HMCN1: variants seen among roughly 807,000 people sequenced by gnomAD.
HMCN1 encodes hemicentin 1.
In HMCN1, 321 loss-of-function variants were observed where a neutral mutation model predicts 625.9. That is an observed-to-expected ratio of 0.51 (90% CI 0.47 to 0.56). HMCN1 has a LOEUF of 0.56. HMCN1 is among the 20% of genes least tolerant of loss of function. The pLI is 0.00. For synonymous variants in HMCN1, 2,425 were observed against 2,417.6 expected, an observed-to-expected ratio of 1.00 and a Z score of -0.09; for missense variants, 6,588 against 6,887.3, an observed-to-expected ratio of 0.96 and a Z score of 1.54.
intron 83 of HMCN1, among the ~76,000 whole-genome samples, chr1:186,129,040 T>A (rs1661789826): frequency 6.6e-6 from 1 of 152,054 alleles, no homozygotes; most frequent in Non-Finnish European, 1.5e-5. Flanking sequence ...ATCAACTGCA[T>A]TACCTTAATA....
At chr1:186,086,494 C>T (rs1659480605) in intron 58 of HMCN1, 87 bp downstream of exon 58, 2 of 1,344,538 alleles carry the variant, frequency 1.5e-6, no homozygotes, top group Non-Finnish European at 2.1e-6. Context: ...TATTTCCAAA[C>T]TTTTGTCGTG....
intron 1 of HMCN1, among the ~76,000 whole-genome samples, chr1:185,805,947 G>T (rs146108690): frequency 6.6e-6 from 1 of 151,976 alleles, no homozygotes; most frequent in East Asian, 1.9e-4. Context: ...TTTACATAGA[G>T]CTAAAAAAGA....
In HMCN1 at chr1:185,942,532, T is replaced by G. The variant is rs541786627; in HGVS notation, c.1828+8708T>G. On this transcript the variant is annotated intron_variant, in intron 11 of 106. Transcript: ENST00000271588. Reference sequence around the variant, plus strand: ...TATTTAAAGAAAGCTACCAACTAACTTTTTTAAAATTTTGGGAGTTCATAT... The same window carrying G: ...TATTTAAAGAAAGCTACCAACTAACGTTTTTAAAATTTTGGGAGTTCATAT... Among the ~76,000 whole-genome samples, 369 of 151,040 alleles carry G rather than the reference T, an allele frequency of 2.4e-3. 1 individual carries two copies. Among genetic ancestry groups the G allele is most frequent in the Admixed American group, 4.1e-3 (62 of 15,270 alleles).
intron 2 of HMCN1, among the ~76,000 whole-genome samples, chr1:185,854,072 A>G (rs1401980892): frequency 6.6e-6 from 1 of 152,204 alleles, no homozygotes; most frequent in Non-Finnish European, 1.5e-5. Context: ...GATGGTAAGG[A>G]TGGAGATCAA....
intron 4 of HMCN1, among the ~76,000 whole-genome samples, chr1:185,877,989 ATTTG>A (rs1374796438): frequency 1.3e-5 from 2 of 151,852 alleles, no homozygotes; most frequent in African/African-American, 4.8e-5. Flanking sequence ...AACATTCAGT[ATTTG>A]TTTTTCTGTT....
chr1:186,051,950 C>T (rs1008947192), intron 42 of HMCN1, among the ~76,000 whole-genome samples: 10 of 151,756 alleles, frequency 6.6e-5, no homozygotes, highest in Admixed American at 2.6e-4. Flanking sequence ...GATGGGAAGG[C>T]CTATGGTATG....
chr1:186,131,790 A>G (rs187176234), intron 85 of HMCN1, among the ~76,000 whole-genome samples: 1 of 152,240 alleles, frequency 6.6e-6, no homozygotes, highest in African/African-American at 2.4e-5. Flanking sequence ...ACATACATAT[A>G]TGTATATAAT....
rs1249161509 is a variant in HMCN1, at chr1:186,094,239, G to A, written c.10197-37G>A. 5 of 1,422,268 alleles carry A rather than the reference G, an allele frequency of 3.5e-6. No homozygotes were observed. The African/African-American group carries it at 5.6e-5, about 16-fold the overall frequency. The allele number at this position is 1,422,268 out of a possible 1,614,324, so 88.1% of individuals were successfully genotyped here. On this transcript the variant is annotated intron_variant, in intron 66 of 106. Transcript: ENST00000271588. ...TATTTTATGTGTACTTGTTGTATGG[G>A]AGCAAGTGATGAAATGTGGATCAAA...
At chr1:185,966,837 T>A (rs1035581165) in intron 14 of HMCN1, among the ~76,000 whole-genome samples, 4 of 152,026 alleles carry the variant, frequency 2.6e-5, no homozygotes, top group African/African-American at 9.7e-5. Context: ...GAACATGAGG[T>A]GAAAAAGAAA....
Position 185,970,487 on chromosome 1 carries a change from G to A in HMCN1, c.2365G>A (p.Val789Ile). ...GRATGKITLD[V>I]GSPPVFIQEP... is the part of the protein sequence containing the mutation. ...AGCAACTGGCAAGATAACTCTGGAT[G>A]TTGGCTGTAAGCCTCCAGATCTTAT... Residue 789 changes from valine to isoleucine, a missense_variant, in exon 15 of 107, where the codon GTT becomes ATT. By Grantham distance (29) the Val-to-Ile change is conservative. This residue lies in a region of HMCN1 where 4,628 missense variants were observed against 4,853.1 expected (regional missense o/e 0.95). Transcript: ENST00000271588. 1 of 1,613,534 alleles carries A rather than the reference G, an allele frequency of 6.2e-7. No individual in the cohort carries two copies. The highest frequency in any genetic ancestry group is 1.1e-5 in the South Asian group (1 of 91,074).
intron 44 of HMCN1, among the ~76,000 whole-genome samples, chr1:186,054,517 T>C (rs1454991605): frequency 1.3e-5 from 2 of 151,956 alleles, no homozygotes; most frequent in South Asian, 2.1e-4. Flanking sequence ...CACTAGGACA[T>C]TGGATTACTG....
chr1:185,916,917 G>A (rs1023855060), intron 6 of HMCN1, among the ~76,000 whole-genome samples: 1 of 152,104 alleles, frequency 6.6e-6, no homozygotes, highest in Admixed American at 6.6e-5. Flanking sequence ...AAAACCTGGA[G>A]GATGTGGCAT....
At chr1:186,046,477 A>C (rs1229841981) in intron 41 of HMCN1, among the ~76,000 whole-genome samples, 1 of 152,126 alleles carries the variant, frequency 6.6e-6, no homozygotes, top group Non-Finnish European at 1.5e-5. Flanking sequence ...AAACAACAAA[A>C]AAAAAAATGC....
chr1:185,970,933 T>A (rs1650776002), intron 15 of HMCN1, among the ~76,000 whole-genome samples: 1 of 152,154 alleles, frequency 6.6e-6, no homozygotes, highest in African/African-American at 2.4e-5. Context: ...GTGCTGGGAT[T>A]ACAGCCATGA....
chr1:185,898,808 A>G (rs140158508), intron 4 of HMCN1, among the ~76,000 whole-genome samples: 1 of 152,250 alleles, frequency 6.6e-6, no homozygotes, highest in East Asian at 1.9e-4. Context: ...AGTTAAGTCT[A>G]AAAATGTGAT....
At chr1:185,738,986 A>T (rs906124985) in intron 1 of HMCN1, among the ~76,000 whole-genome samples, 1 of 152,034 alleles carries the variant, frequency 6.6e-6, no homozygotes, top group Non-Finnish European at 1.5e-5. Flanking sequence ...TAGTGAGCAT[A>T]GTACCTGATA....
At position 186,145,525 on chromosome 1, in the gene HMCN1, G is replaced by T. The variant is rs543497214; in HGVS notation, c.14389G>T (p.Gly4797Trp). The T allele has an allele frequency of 1.4e-5, 22 of 1,614,070 alleles. No homozygotes were observed. Among genetic ancestry groups the T allele is most frequent in the Non-Finnish European group, 1.8e-5 (21 of 1,179,986 alleles). ...TCCCTCCAATGGGGGAAGAGCTTGTGGGGGACCAGACTCCCAGATCCAGAG... is the reference window on the plus strand; with the variant it reads ...TCCCTCCAATGGGGGAAGAGCTTGTTGGGGACCAGACTCCCAGATCCAGAG... ...PPPSNGGRAC[G>W]GPDSQIQRCN... Residue 4797 changes from glycine (G) to tryptophan (W), a missense_variant, in exon 92 of 107, where the codon GGG becomes TGG. Coordinates refer to ENST00000271588, the MANE Select transcript of HMCN1 (RefSeq NM_031935.3).
intron 18 of HMCN1, 72 bp downstream of exon 18, chr1:185,982,461 GAGACA>G: frequency 7.7e-7 from 1 of 1,303,970 alleles, no homozygotes; most frequent in Admixed American, 2.1e-5. Flanking sequence ...TTTTTTCTTT[GAGACA>G]GTTTCATTCT....
In HMCN1 at chr1:186,019,648, T is replaced by C. The variant is rs776064192; in HGVS notation, c.5578T>C (p.Trp1860Arg). The C allele has an allele frequency of 1.2e-6, 2 of 1,612,396 alleles. No individual in the cohort carries two copies. Among genetic ancestry groups the C allele is most frequent in the Non-Finnish European group, 1.7e-6 (2 of 1,178,740 alleles). Residue 1860 changes from tryptophan to arginine, a missense_variant, in exon 35 of 107, where the codon TGG becomes CGG. Around this residue, in one of 3 missense-constraint regions of HMCN1, gnomAD observed 4,628 missense variants for 4,853.1 expected, o/e 0.95. Transcript: ENST00000271588. ...TGGGATTCCAAATCCTTCCATTACA[T>C]GGTTAAAAGATGACCAGCCTGTGAA... is the stretch of plus-strand genomic sequence containing the variant. The part of the protein sequence containing the change: ...ANGIPNPSIT[W>R]LKDDQPVNTA...
Sources: gnomAD v4.1 joint callset for allele counts (sites outside exome capture counted in the v4.1 genomes callset) on GRCh38, gnomAD v4.1.1 for gene constraint, gnomAD v4.1.1 regional missense constraint, MANE v1.5 for transcripts, NCBI Gene and HGNC (gene_info 2026-07-23, HGNC 2026-07-21) for gene names.